The following FRAS1 variants were observed in gnomAD, a reference collection of about 807,000 sequenced individuals.
FRAS1 encodes Fraser extracellular matrix complex subunit 1.
A neutral mutation model predicts 435.2 loss-of-function variants in FRAS1; 290 were observed. The observed-to-expected ratio is 0.67, with a 90% CI of 0.61 to 0.73. The LOEUF is 0.73. Ranked by LOEUF, FRAS1 falls within the 30% of genes least tolerant of loss-of-function variation. FRAS1 has a pLI of 0.00. For missense variants in FRAS1, 4,860 were observed against 5,001.5 expected (o/e 0.97, Z 0.85); for synonymous variants, 1,800 against 1,851.0 (o/e 0.97, Z 0.71).
At chr4:78,390,220 G>A (rs1369821572) in intron 29 of FRAS1, among the ~76,000 whole-genome samples, 2 of 152,098 alleles carry the variant, frequency 1.3e-5, no homozygotes, top group African/African-American at 2.4e-5. Flanking sequence ...AGAGGCTATG[G>A]GACCTTAATT....
At chr4:78,359,834 T>G (rs1481822037) in intron 20 of FRAS1, among the ~76,000 whole-genome samples, 1 of 152,230 alleles carries the variant, frequency 6.6e-6, no homozygotes, top group Non-Finnish European at 1.5e-5. Context: ...TGTCATGTAC[T>G]GATTTCTCCT....
At chr4:78,516,034 C>G (rs1374145698) in intron 66 of FRAS1, 21 bp downstream of exon 66, 1 of 1,585,462 alleles carries the variant, frequency 6.3e-7, no homozygotes, top group Admixed American at 1.7e-5. Flanking sequence ...CGGGGCTTGT[C>G]TGAGGACTCT....
chr4:78,061,204 T>G (rs528773819), intron 1 of FRAS1, among the ~76,000 whole-genome samples: 82 of 152,212 alleles, frequency 5.4e-4, no homozygotes, highest in Admixed American at 1.2e-3. Flanking sequence ...AGCAAATTAT[T>G]GGCAGTGTTA....
chr4:78,387,627 G>A lies in FRAS1; in HGVS notation c.3901G>A (p.Asp1301Asn), dbSNP rs369945274. The A allele has an allele frequency of 2.0e-5, 32 of 1,609,090 alleles. 1 individual carries two copies. The highest frequency in any genetic ancestry group is 1.9e-4 in the South Asian group (17 of 90,452). Residue 1301 changes from aspartate (D) to asparagine (N), a missense_variant, in exon 29 of 74, where the codon GAT becomes AAT. Coordinates refer to ENST00000512123, the MANE Select transcript of FRAS1 (RefSeq NM_025074.7). ...YAHDGSDSTS[D>N]VAVLQANDGH... ...TCATGATGGTTCAGACAGCACATCC[G>A]ATGTTGCAGTCTTGCAGGCCAATGA...
At position 78,387,630 on chromosome 4, in the gene FRAS1, G is replaced by A; in HGVS notation, c.3904G>A (p.Val1302Ile). 1 of 1,608,758 alleles carries A rather than the reference G, an allele frequency of 6.2e-7. No homozygotes were observed. Among genetic ancestry groups the A allele is most frequent in the Non-Finnish European group, 8.5e-7 (1 of 1,176,132 alleles). Residue 1302 changes from valine (V) to isoleucine (I), a missense_variant, in exon 29 of 74, where the codon GTT becomes ATT. Transcript: ENST00000512123. ...AHDGSDSTSD[V>I]AVLQANDGHS... ...TGATGGTTCAGACAGCACATCCGAT[G>A]TTGCAGTCTTGCAGGCCAATGATGG...
At chr4:78,200,706 G>A (rs1263540532) in intron 2 of FRAS1, among the ~76,000 whole-genome samples, 1 of 151,656 alleles carries the variant, frequency 6.6e-6, no homozygotes, top group Admixed American at 6.6e-5. Flanking sequence ...TGTGGCATCA[G>A]TTTAATGAAA....
intron 20 of FRAS1, among the ~76,000 whole-genome samples, chr4:78,339,342 G>A (rs1730310044): frequency 1.3e-5 from 2 of 152,180 alleles, no homozygotes; most frequent in Non-Finnish European, 2.9e-5. Context: ...AGCACAAGGT[G>A]CCAAGTTGAT....
At chr4:78,129,889 C>T (rs567423448) in intron 2 of FRAS1, among the ~76,000 whole-genome samples, 24 of 152,178 alleles carry the variant, frequency 1.6e-4, no homozygotes, top group Middle Eastern at 3.4e-3. Context: ...CCACTCTTTC[C>T]TCTCTCTAAT....
chr4:78,285,866 G>C (rs1486053852), intron 13 of FRAS1, among the ~76,000 whole-genome samples: 2 of 152,194 alleles, frequency 1.3e-5, no homozygotes, highest in Non-Finnish European at 2.9e-5. Flanking sequence ...ATTAATAAGA[G>C]TTAGCTGCTT....
chr4:78,249,014 A>C (rs1725384270), intron 4 of FRAS1, among the ~76,000 whole-genome samples: 2 of 88,354 alleles, frequency 2.3e-5, no homozygotes, highest in Admixed American at 1.4e-4. Context: ...TTTATAAAAA[A>C]TAATGCTTTC....
chr4:78,112,232 G>A (rs1287140482), intron 2 of FRAS1, among the ~76,000 whole-genome samples: 1 of 151,812 alleles, frequency 6.6e-6, no homozygotes, highest in Non-Finnish European at 1.5e-5. Flanking sequence ...TTTACCATAA[G>A]GTATAGAAAA....
At chr4:78,262,400 CTT>C (rs1560611392) in intron 6 of FRAS1, among the ~76,000 whole-genome samples, 1 of 152,190 alleles carries the variant, frequency 6.6e-6, no homozygotes, top group African/African-American at 2.4e-5. Context: ...AGGGCTAACT[CTT>C]TGCCTCAAAC....
intron 2 of FRAS1, among the ~76,000 whole-genome samples, chr4:78,091,138 A>G (rs183188043): frequency 2.6e-5 from 4 of 151,996 alleles, no homozygotes; most frequent in Middle Eastern, 3.4e-3. Context: ...ATACATTTCA[A>G]TCAGTTTAGA....
In FRAS1 at chr4:78,539,356, T is replaced by G. The variant is rs746740207; in HGVS notation, c.11361T>G (p.Phe3787Leu). ...YFHDVPFEAH[F>L]ASELPDFHVV... ...ATGATGTGCCTTTTGAGGCTCACTTTGCCTCTGAGTTGCCTGATTTCCATG... is the reference window on the plus strand; with the variant it reads ...ATGATGTGCCTTTTGAGGCTCACTTGGCCTCTGAGTTGCCTGATTTCCATG... Residue 3787 changes from phenylalanine to leucine, a missense_variant, in exon 73 of 74, where the codon TTT (phenylalanine) becomes TTG (leucine). By Grantham distance (22) the Phe-to-Leu change is conservative (BLOSUM62 0). Coordinates refer to ENST00000512123, the MANE Select transcript of FRAS1 (RefSeq NM_025074.7). The G allele has an allele frequency of 6.2e-7, 1 of 1,613,352 alleles. No homozygotes were observed. The highest frequency in any genetic ancestry group is 1.7e-5 in the Admixed American group (1 of 59,948).
At chr4:78,202,481 A>G (rs1723084393) in intron 2 of FRAS1, among the ~76,000 whole-genome samples, 1 of 152,206 alleles carries the variant, frequency 6.6e-6, no homozygotes, top group Non-Finnish European at 1.5e-5. Context: ...ACTTGAGGTT[A>G]GGAGTTCGAG....
intron 18 of FRAS1, among the ~76,000 whole-genome samples, chr4:78,332,667 A>G (rs1729992107): frequency 6.6e-6 from 1 of 152,178 alleles, no homozygotes; most frequent in African/African-American, 2.4e-5. Flanking sequence ...TGAGTTAGTC[A>G]AAGTCACATA....
chr4:78,509,063 CTTTG>C, intron 63 of FRAS1, 57 bp downstream of exon 63: 14 of 1,047,532 alleles, frequency 1.3e-5, no homozygotes, highest in Non-Finnish European at 2.0e-5. Flanking sequence ...TGGTGTTGTT[CTTTG>C]TTACTCAGAT....
At chr4:78,095,728 T>C (rs1222821997) in intron 2 of FRAS1, among the ~76,000 whole-genome samples, 1 of 152,178 alleles carries the variant, frequency 6.6e-6, no homozygotes, top group Non-Finnish European at 1.5e-5. Flanking sequence ...TTGAGACTTA[T>C]TCACTATCAC....
intron 2 of FRAS1, among the ~76,000 whole-genome samples, chr4:78,083,160 G>A (rs1033685411): frequency 3.3e-5 from 5 of 152,108 alleles, no homozygotes; most frequent in Non-Finnish European, 7.4e-5. Context: ...GAGGCTTCAT[G>A]CTGCAGGGGT....
Sources: gnomAD v4.1 joint callset for allele counts (sites outside exome capture counted in the v4.1 genomes callset) on GRCh38, gnomAD v4.1.1 for gene constraint, MANE v1.5 for transcripts, NCBI Gene and HGNC (gene_info 2026-07-23, HGNC 2026-07-21) for gene names.